Variants in SPOCK1 observed in about 807,000 individuals in gnomAD.
SPOCK1 encodes the protein testican-1.
SPOCK1 carries 23 observed loss-of-function variants against 55.3 expected under a neutral mutation model. That is an observed-to-expected ratio of 0.42 (90% CI 0.30 to 0.59). The LOEUF (loss-of-function observed/expected upper bound fraction) is 0.59, where lower values mean the gene tolerates loss of function less well. Among genes scored for constraint, SPOCK1 ranks in the 20% least tolerant of loss-of-function variants. SPOCK1 has a pLI of 0.22. For synonymous variants in SPOCK1, 226 were observed against 221.0 expected, an observed-to-expected ratio of 1.02 and a Z score of -0.20; for missense variants, 499 against 552.5, an observed-to-expected ratio of 0.90 and a Z score of 0.97.
intron 2 of SPOCK1, among the ~76,000 whole-genome samples, chr5:137,427,831 C>T (rs1042231389): frequency 6.6e-6 from 1 of 151,594 alleles, no homozygotes; most frequent in African/African-American, 2.4e-5. Flanking sequence ...ATGGTGTGAA[C>T]CCAGGAGGCG....
rs551626641 is a variant in SPOCK1 at position 136,998,940 on chromosome 5, A to C, written c.590-6340T>G. On this transcript the variant is annotated intron_variant, in intron 6 of 10. Coordinates refer to ENST00000394945, the MANE Select transcript of SPOCK1 (RefSeq NM_004598.4). ...GTGGACTTTTCCTTTCTGTTTGGAA[A>C]ATATGAACAAAATGCAAAGAGCAAG... Among the ~76,000 whole-genome samples, 3 of 152,360 alleles carry C rather than the reference A, an allele frequency of 2.0e-5. No homozygotes were observed. In the East Asian group the frequency reaches 5.8e-4, roughly 29 times the overall value.
At chr5:137,141,461 A>C (rs751431202) in intron 3 of SPOCK1, among the ~76,000 whole-genome samples, 4 of 152,208 alleles carry the variant, frequency 2.6e-5, no homozygotes, top group Non-Finnish European at 5.9e-5. Context: ...AACCTATTTT[A>C]AGTTTTTGAA....
intron 2 of SPOCK1, among the ~76,000 whole-genome samples, chr5:137,361,496 A>G (rs1223677730): frequency 6.6e-6 from 1 of 152,216 alleles, no homozygotes; most frequent in Non-Finnish European, 1.5e-5. Context: ...GATAAAAATT[A>G]TGGTTTTAAA....
At chr5:137,484,209 T>C (rs1391290096) in intron 2 of SPOCK1, among the ~76,000 whole-genome samples, 3 of 152,198 alleles carry the variant, frequency 2.0e-5, no homozygotes, top group Admixed American at 6.5e-5. Flanking sequence ...AAATCCAGCT[T>C]GGAGCATCTG....
At chr5:137,396,267 C>T (rs956165149) in intron 2 of SPOCK1, among the ~76,000 whole-genome samples, 4 of 152,180 alleles carry the variant, frequency 2.6e-5, no homozygotes, top group Non-Finnish European at 5.9e-5. Context: ...GAAAACACCA[C>T]CAGCAAGCAT....
At chr5:137,344,753 T>G (rs999039938) in intron 2 of SPOCK1, among the ~76,000 whole-genome samples, 5 of 152,250 alleles carry the variant, frequency 3.3e-5, no homozygotes, top group African/African-American at 1.2e-4. Context: ...GTATTTAGTA[T>G]AAACGCAGGT....
chr5:137,487,739 C>T (rs1408560674), intron 2 of SPOCK1, among the ~76,000 whole-genome samples: 2 of 152,152 alleles, frequency 1.3e-5, no homozygotes, highest in Non-Finnish European at 2.9e-5. Context: ...CACATCAATT[C>T]CACTGTGCTC....
chr5:137,493,298 C>G (rs1356850590), intron 2 of SPOCK1, among the ~76,000 whole-genome samples: 1 of 152,190 alleles, frequency 6.6e-6, no homozygotes, highest in Non-Finnish European at 1.5e-5. Context: ...CCTCAAGTAA[C>G]AAAGTGATTG....
At chr5:137,445,451 G>A (rs946425584) in intron 2 of SPOCK1, among the ~76,000 whole-genome samples, 1 of 152,140 alleles carries the variant, frequency 6.6e-6, no homozygotes, top group African/African-American at 2.4e-5. Flanking sequence ...TCCATGTGCT[G>A]GGCACTCAGA....
At chr5:137,269,797 G>A (rs566546068) in intron 2 of SPOCK1, among the ~76,000 whole-genome samples, 8 of 152,204 alleles carry the variant, frequency 5.3e-5, no homozygotes, top group Non-Finnish European at 1.0e-4. Flanking sequence ...CCCACTTAAC[G>A]ATTGGGGTGC....
chr5:137,137,442 C>T (rs1309011543), intron 4 of SPOCK1, among the ~76,000 whole-genome samples: 1 of 152,188 alleles, frequency 6.6e-6, no homozygotes, highest in Non-Finnish European at 1.5e-5. Context: ...ATGCACTCAA[C>T]TGATATCGTG....
chr5:137,243,284 T>C (rs1311016526), intron 3 of SPOCK1, among the ~76,000 whole-genome samples: 1 of 152,188 alleles, frequency 6.6e-6, no homozygotes, highest in African/African-American at 2.4e-5. Context: ...CGGCGGCTAT[T>C]TTTTAATCTC....
chr5:137,342,116 A>C (rs1219205306), intron 2 of SPOCK1, among the ~76,000 whole-genome samples: 3 of 152,202 alleles, frequency 2.0e-5, no homozygotes, highest in African/African-American at 7.2e-5. Flanking sequence ...GAGCGTTTTG[A>C]TGGACGGTGT....
intron 9 of SPOCK1, among the ~76,000 whole-genome samples, chr5:136,984,406 T>G (rs1042363695): frequency 1.3e-5 from 2 of 152,228 alleles, no homozygotes; most frequent in African/African-American, 2.4e-5. Flanking sequence ...ATTACTGTGT[T>G]GCAGCTGACA....
chr5:137,256,590 G>A lies in SPOCK1; in HGVS notation c.232+10420C>T, dbSNP rs148607822. On this transcript the variant is annotated intron_variant, in intron 3 of 10. Coordinates refer to ENST00000394945, the MANE Select transcript of SPOCK1 (RefSeq NM_004598.4). ...CTCATGACCTAAACAGCTCCCCTACGCCCCACCTCTCAACATTATTGCATT... is the reference window on the plus strand; with the variant it reads ...CTCATGACCTAAACAGCTCCCCTACACCCCACCTCTCAACATTATTGCATT... Among the ~76,000 whole-genome samples, 42 of 152,170 alleles carry A rather than the reference G, an allele frequency of 2.8e-4. 1 individual carries two copies. Among genetic ancestry groups the A allele is most frequent in the Non-Finnish European group, 4.0e-4 (27 of 68,004 alleles).
intron 3 of SPOCK1, among the ~76,000 whole-genome samples, chr5:137,242,027 C>T (rs1001788869): frequency 9.2e-5 from 14 of 152,148 alleles, no homozygotes; most frequent in Non-Finnish European, 1.0e-4. Context: ...AATTCAAAGA[C>T]TCATTAACAG....
At chr5:136,982,936 TC>T (rs143851612) in intron 9 of SPOCK1, among the ~76,000 whole-genome samples, 120 of 152,314 alleles carry the variant, frequency 7.9e-4, no homozygotes, top group African/African-American at 2.9e-3. Flanking sequence ...CATAATTATT[TC>T]CCCTTGGCAC....
chr5:137,115,292 T>C (rs1363594487), intron 4 of SPOCK1, among the ~76,000 whole-genome samples: 1 of 152,098 alleles, frequency 6.6e-6, no homozygotes, highest in Non-Finnish European at 1.5e-5. Context: ...TCTACTTCAA[T>C]AACTTTATTT....
rs148406042 is a variant in SPOCK1, at chr5:137,278,955, C to A, written c.187-11900G>T. On this transcript the variant is annotated intron_variant, in intron 2 of 10. Transcript: ENST00000394945. ...ATGCCATGAACAACTGGCTGTCCTA[C>A]TTCCCCCCAGGGGGAATGCTATTAT... is the stretch of plus-strand genomic sequence containing the variant. Among the ~76,000 whole-genome samples the A allele has an allele frequency of 3.6e-3, 543 of 152,290 alleles. 4 individuals carry two copies. The highest frequency in any genetic ancestry group is 0.012 in the African/African-American group (507 of 41,542).
Sources: gnomAD v4.1 joint callset for allele counts (sites outside exome capture counted in the v4.1 genomes callset) on GRCh38, gnomAD v4.1.1 for gene constraint, MANE v1.5 for transcripts, NCBI Gene and HGNC (gene_info 2026-07-23, HGNC 2026-07-21) for gene names.